The following NOL4 variants were observed in gnomAD, a reference collection of about 807,000 sequenced individuals.
NOL4 encodes the protein cancer/testis antigen 125.
Under a neutral mutation model 75.9 loss-of-function variants are expected in NOL4, and 17 were observed. That is an observed-to-expected ratio of 0.22 (90% CI 0.15 to 0.34). The LOEUF is 0.34. NOL4 is among the 10% of genes least tolerant of loss of function. The pLI is 1.00. For synonymous variants in NOL4, 292 were observed against 289.9 expected (o/e 1.01, Z -0.07); for missense variants, 614 against 793.5 (o/e 0.77, Z 2.72).
intron 10 of NOL4, among the ~76,000 whole-genome samples, chr18:33,877,738 C>A (rs1226290353): frequency 6.6e-6 from 1 of 151,950 alleles, no homozygotes; most frequent in East Asian, 1.9e-4. Flanking sequence ...TATATGCCTG[C>A]ATACCTGGGA....
intron 1 of NOL4, among the ~76,000 whole-genome samples, chr18:34,187,483 TCTC>T (rs1362481726): frequency 2.0e-5 from 3 of 151,356 alleles, no homozygotes; most frequent in Non-Finnish European, 2.9e-5. Flanking sequence ...TTTACGCCAT[TCTC>T]CTGCCTCAGC....
intron 1 of NOL4, among the ~76,000 whole-genome samples, chr18:34,164,482 A>G (rs1342267696): frequency 1.3e-5 from 2 of 152,240 alleles, no homozygotes; most frequent in Non-Finnish European, 2.9e-5. Context: ...GCCAAAAAAC[A>G]CATGAAAAAA....
At position 34,122,442 on chromosome 18, in the gene NOL4, A is replaced by G. The variant is rs1001585647; in HGVS notation, c.414+7429T>C. 5.3e-5 allele frequency among the ~76,000 whole-genome samples: 8 copies of G among 152,282 alleles called. No homozygotes were observed. The East Asian group carries it at 7.7e-4, about 15-fold the overall frequency. ...TTTTCATTACCTGATTAAGAGGGGG[A>G]AAAAAGCAATTTAGAACATCTGTTA... On this transcript the variant is annotated intron_variant, in intron 2 of 10. Coordinates refer to ENST00000261592, the MANE Select transcript of NOL4 (RefSeq NM_003787.5).
chr18:34,168,698 A>G (rs1385256025), intron 1 of NOL4, among the ~76,000 whole-genome samples: 1 of 151,816 alleles, frequency 6.6e-6, no homozygotes, highest in African/African-American at 2.4e-5. Context: ...AATTCACTAC[A>G]ATATGGTAGG....
intron 9 of NOL4, among the ~76,000 whole-genome samples, chr18:33,910,392 C>T (rs771876464): frequency 2.0e-5 from 3 of 152,008 alleles, no homozygotes; most frequent in Non-Finnish European, 4.4e-5. Context: ...ATTTATTTCC[C>T]GGTATCCTTT....
In NOL4 at chr18:34,223,229, G is replaced by A. The variant is rs987625960; in HGVS notation, c.25C>T (p.Arg9Cys). The A allele has an allele frequency of 3.1e-6, 5 of 1,613,974 alleles. No individual in the cohort carries two copies. The highest frequency in any genetic ancestry group is 4.2e-6 in the Non-Finnish European group (5 of 1,180,012). ...CTGAGGCACCAGTCCTGGAACTGGC[G>A]GTACATGTCGCGCTCGCTCTCCATG... MESERDMY[R>C]QFQDWCLRTY... Residue 9 changes from arginine to cysteine, a missense_variant, in exon 1 of 11, where the codon CGC becomes TGC. By Grantham distance (180) the Arg-to-Cys change is radical (BLOSUM62 -3). This residue lies in a region of NOL4 where 15 missense variants were observed against 18.2 expected (regional missense o/e 0.83). Coordinates refer to ENST00000261592, the MANE Select transcript of NOL4 (RefSeq NM_003787.5).
chr18:33,862,045 C>A (rs2063165933), intron 10 of NOL4, among the ~76,000 whole-genome samples: 1 of 152,120 alleles, frequency 6.6e-6, no homozygotes, highest in African/African-American at 2.4e-5. Flanking sequence ...GTAACCAAAA[C>A]AGCATGGTAC....
intron 4 of NOL4, among the ~76,000 whole-genome samples, chr18:34,098,966 A>G (rs1358020351): frequency 6.6e-6 from 1 of 152,162 alleles, no homozygotes. Context: ...TTCTCTCCAC[A>G]TCAATTCTTT....
chr18:33,974,772 C>G lies in NOL4; in HGVS notation c.1057-16354G>C, dbSNP rs568179249. Among the ~76,000 whole-genome samples, 24 of 152,194 alleles carry G rather than the reference C, an allele frequency of 1.6e-4. No individual in the cohort carries two copies. The South Asian group carries it at 3.5e-3, about 22-fold the overall frequency. On this transcript the variant is annotated intron_variant, in intron 6 of 10. Coordinates refer to ENST00000261592, the MANE Select transcript of NOL4 (RefSeq NM_003787.5). Reference sequence around the variant, plus strand: ...CTTAAATTTGCAAAAAAAAAATTCACTATCTGTGAAGTACAATAACTCAAA... The same window carrying G: ...CTTAAATTTGCAAAAAAAAAATTCAGTATCTGTGAAGTACAATAACTCAAA...
intron 5 of NOL4, among the ~76,000 whole-genome samples, chr18:34,036,317 T>C (rs114515026): frequency 0.012 from 1,813 of 152,026 alleles, 32 homozygotes; most frequent in African/African-American, 0.041. Flanking sequence ...GGTGGTTTCA[T>C]GTACCCAAAT....
chr18:33,974,101 T>C (rs148081155), intron 6 of NOL4, among the ~76,000 whole-genome samples: 3 of 152,312 alleles, frequency 2.0e-5, no homozygotes, highest in African/African-American at 7.2e-5. Context: ...CCATCATCAA[T>C]AATACTAACT....
At chr18:34,186,802 C>A (rs1363589160) in intron 1 of NOL4, among the ~76,000 whole-genome samples, 1 of 152,074 alleles carries the variant, frequency 6.6e-6, no homozygotes, top group Non-Finnish European at 1.5e-5. Context: ...TGGCACTCTG[C>A]AAAATTTATT....
In NOL4 at chr18:34,044,613, A is replaced by G. The variant is rs891039535; in HGVS notation, c.773-25012T>C. The stretch of plus-strand genomic sequence containing the variant: ...CATATAGAGTAGTCCAATGAATGCT[A>G]AAGATGCTTTGAAATTTTATGCAAT... On this transcript the variant is annotated intron_variant, in intron 5 of 10. Coordinates refer to ENST00000261592, the MANE Select transcript of NOL4 (RefSeq NM_003787.5). Among the ~76,000 whole-genome samples the G allele has an allele frequency of 7.2e-5, 11 of 152,334 alleles. No homozygotes were observed. In the East Asian group the frequency reaches 2.1e-3, roughly 29 times the overall value.
chr18:34,189,810 G>A (rs1257097689), intron 1 of NOL4, among the ~76,000 whole-genome samples: 1 of 151,868 alleles, frequency 6.6e-6, no homozygotes, highest in Non-Finnish European at 1.5e-5. Context: ...CCATAAGGCT[G>A]AGTTATTTGA....
chr18:34,221,768 A>G (rs909007761), intron 1 of NOL4, among the ~76,000 whole-genome samples: 1 of 152,146 alleles, frequency 6.6e-6, no homozygotes, highest in Non-Finnish European at 1.5e-5. Context: ...AACCTAAAAG[A>G]CCCTTCCAAA....
chr18:34,171,655 G>A (rs1397683997), intron 1 of NOL4, among the ~76,000 whole-genome samples: 3 of 152,082 alleles, frequency 2.0e-5, no homozygotes, highest in South Asian at 2.1e-4. Flanking sequence ...TGAAGGGAAA[G>A]TCAACATTCT....
chr18:34,192,090 G>T (rs2034960232), intron 1 of NOL4, among the ~76,000 whole-genome samples: 1 of 152,026 alleles, frequency 6.6e-6, no homozygotes, highest in African/African-American at 2.4e-5. Flanking sequence ...TGAAATTTTG[G>T]CAAGATTTTC....
chr18:33,996,201 G>A (rs923643081), intron 6 of NOL4, among the ~76,000 whole-genome samples: 19 of 150,898 alleles, frequency 1.3e-4, no homozygotes, highest in Admixed American at 1.3e-3. Context: ...CATTTAGAAC[G>A]GAAAAAAAAG....
chr18:33,878,591 C>T (rs1406347908), intron 10 of NOL4, among the ~76,000 whole-genome samples: 2 of 152,068 alleles, frequency 1.3e-5, no homozygotes, highest in East Asian at 3.9e-4. Context: ...ATACTTCCAG[C>T]ACTGTAAACT....
Sources: allele counts gnomAD v4.1 joint callset (sites outside exome capture counted in the v4.1 genomes callset), GRCh38; gene constraint gnomAD v4.1.1; regional missense constraint gnomAD v4.1.1; transcripts MANE v1.5; gene names NCBI Gene and HGNC (gene_info 2026-07-23, HGNC 2026-07-21).